SLC35F3: variants seen among roughly 807,000 people sequenced by gnomAD.
SLC35F3 encodes solute carrier family 35 member F3, also known as putative thiamine transporter SLC35F3.
A neutral mutation model predicts 49.9 loss-of-function variants in SLC35F3; 25 were observed. The observed-to-expected ratio is 0.50, with a 90% CI of 0.37 to 0.70. The LOEUF (loss-of-function observed/expected upper bound fraction) is 0.70, where lower values mean the gene tolerates loss of function less well. Among genes scored for constraint, SLC35F3 ranks in the 30% least tolerant of loss-of-function variants. The pLI, the probability that SLC35F3 is intolerant of heterozygous loss-of-function variation, is 0.00. For synonymous variants in SLC35F3, 275 were observed against 265.4 expected (o/e 1.04, Z -0.35); for missense variants, 525 against 639.8 (o/e 0.82, Z 1.94).
chr1:234,323,495 T>G lies in SLC35F3; in HGVS notation c.*252T>G. On this transcript the variant is annotated 3_prime_UTR_variant, in exon 8 of 8. Transcript: ENST00000366618. The surrounding 1 kb of genome is among the most constrained non-coding windows in gnomAD (Gnocchi z 4.5). ...AACGAATGTAAAGTGGGTTTAAAAGTTCCCTGCGTAGATCGTTTTGGATGG... is the reference window on the plus strand; with the variant it reads ...AACGAATGTAAAGTGGGTTTAAAAGGTCCCTGCGTAGATCGTTTTGGATGG... The G allele has an allele frequency of 2.0e-6, 1 of 504,850 alleles. No homozygotes were observed. The highest frequency in any genetic ancestry group is 3.5e-6 in the Non-Finnish European group (1 of 281,854). The allele number at this position is 504,850 out of a possible 1,614,324, so 31.3% of individuals were successfully genotyped here. A position where few individuals can be genotyped will look rare whatever the true frequency, so the allele number is the denominator to read the frequency against.
intron 2 of SLC35F3, among the ~76,000 whole-genome samples, chr1:233,952,399 T>C (rs566336470): frequency 1.8e-4 from 27 of 152,348 alleles, no homozygotes; most frequent in African/African-American, 6.0e-4. Flanking sequence ...GGGTGTGGGC[T>C]GTGCTCCAAT....
chr1:234,007,843 A>T (rs570246065), intron 2 of SLC35F3, among the ~76,000 whole-genome samples: 1 of 152,220 alleles, frequency 6.6e-6, no homozygotes, highest in Non-Finnish European at 1.5e-5. Context: ...TTTCCCAGGA[A>T]TATGTACATG....
In SLC35F3 at chr1:233,905,641, T is replaced by G; in HGVS notation, c.166T>G (p.Trp56Gly). The G allele has an allele frequency of 6.2e-7, 1 of 1,614,152 alleles. No homozygotes were observed. Among genetic ancestry groups the G allele is most frequent in the Non-Finnish European group, 8.5e-7 (1 of 1,180,030 alleles). Residue 56 changes from tryptophan to glycine, a missense_variant, in exon 2 of 8, where the codon TGG becomes GGG. Coordinates refer to ENST00000366618, the MANE Select transcript of SLC35F3 (RefSeq NM_173508.4). ...CGAGGCGATTAAGGAGGATCTGAAA[T>G]GGTCGCGCTCCGTGGAGGATCTCAC... is the stretch of plus-strand genomic sequence containing the variant. ...VDEAIKEDLK[W>G]SRSVEDLTSG... is the part of the protein sequence containing the mutation.
intron 2 of SLC35F3, among the ~76,000 whole-genome samples, chr1:233,992,762 C>A (rs1663385292): frequency 6.6e-6 from 1 of 152,128 alleles, no homozygotes; most frequent in Non-Finnish European, 1.5e-5. Flanking sequence ...TACAAGAGTT[C>A]ATCTCGATGG....
At chr1:234,139,150 A>G (rs1447313174) in intron 2 of SLC35F3, among the ~76,000 whole-genome samples, 1 of 152,226 alleles carries the variant, frequency 6.6e-6, no homozygotes, top group East Asian at 1.9e-4. Flanking sequence ...TGTCCTTCTA[A>G]CAACCCTATA....
intron 2 of SLC35F3, among the ~76,000 whole-genome samples, chr1:234,011,164 C>A (rs1330292523): frequency 6.6e-6 from 1 of 151,998 alleles, no homozygotes; most frequent in Non-Finnish European, 1.5e-5. Flanking sequence ...AGAGTAATAA[C>A]AACAAGTAAG....
intron 2 of SLC35F3, among the ~76,000 whole-genome samples, chr1:234,139,951 T>TAATAATAA: frequency 1.1e-5 from 1 of 90,564 alleles, no homozygotes; most frequent in Non-Finnish European, 2.3e-5. Flanking sequence ...CATCTCAAAA[T>TAATAATAA]AATAAAATAA....
chr1:234,162,381 C>CAAAA (rs147145054), intron 2 of SLC35F3, among the ~76,000 whole-genome samples: 1 of 58,546 alleles, frequency 1.7e-5, no homozygotes, highest in Non-Finnish European at 3.0e-5. Context: ...AGCCTCTGTG[C>CAAAA]AAAAAAAAAA....
At chr1:234,287,022 G>T (rs369923931) in intron 3 of SLC35F3, among the ~76,000 whole-genome samples, 1 of 152,044 alleles carries the variant, frequency 6.6e-6, no homozygotes. Flanking sequence ...AAAAGTTAAA[G>T]TTTCTACAAA....
chr1:234,222,890 A>G (rs1191366838), intron 2 of SLC35F3, among the ~76,000 whole-genome samples: 1 of 152,206 alleles, frequency 6.6e-6, no homozygotes. Flanking sequence ...AGGTAAACCA[A>G]CTGGTGTATA....
chr1:234,239,350 C>A (rs1424839712), intron 3 of SLC35F3, among the ~76,000 whole-genome samples: 14 of 152,182 alleles, frequency 9.2e-5, no homozygotes, highest in Admixed American at 9.2e-4. Context: ...TATGCTCAGG[C>A]ACCACCCCAT....
Position 234,252,489 on chromosome 1 carries a change from A to G in SLC35F3, c.608+20748A>G, listed in dbSNP as rs79899764. Among the ~76,000 whole-genome samples the G allele has an allele frequency of 3.5e-3, 526 of 152,356 alleles. 3 individuals carry two copies. Among genetic ancestry groups the G allele is most frequent in the Non-Finnish European group, 3.7e-3 (252 of 68,034 alleles). ...TCCAAATTAGCAAACTAGAAAAAAT[A>G]TGTGTAACGCATATGATAAACAAAG... On this transcript the variant is annotated intron_variant, in intron 3 of 7. Transcript: ENST00000366618.
At chr1:234,086,046 C>T (rs1408324840) in intron 2 of SLC35F3, among the ~76,000 whole-genome samples, 3 of 152,190 alleles carry the variant, frequency 2.0e-5, no homozygotes, top group Non-Finnish European at 2.9e-5. Context: ...ATATCTTGCT[C>T]ATTTTTGTTC....
chr1:233,947,653 T>G (rs1662534204), intron 2 of SLC35F3, among the ~76,000 whole-genome samples: 1 of 149,720 alleles, frequency 6.7e-6, no homozygotes, highest in Non-Finnish European at 1.5e-5. Context: ...GTTTCTATGA[T>G]AGACTTGCTT....
intron 2 of SLC35F3, among the ~76,000 whole-genome samples, chr1:233,935,872 C>A (rs1220076552): frequency 6.6e-6 from 1 of 152,170 alleles, no homozygotes; most frequent in African/African-American, 2.4e-5. Context: ...TGGATGCCTC[C>A]TTTTTCATTC....
intron 2 of SLC35F3, among the ~76,000 whole-genome samples, chr1:234,003,979 A>C (rs1012248506): frequency 2.6e-5 from 4 of 152,196 alleles, no homozygotes; most frequent in African/African-American, 9.6e-5. Flanking sequence ...TAAGAAAGGC[A>C]ATACTTATAT....
intron 2 of SLC35F3, among the ~76,000 whole-genome samples, chr1:234,118,346 G>A (rs528934394): frequency 2.7e-4 from 41 of 152,190 alleles, no homozygotes; most frequent in African/African-American, 8.7e-4. Context: ...TTGTATCGTC[G>A]GATTTCCATC....
intron 2 of SLC35F3, among the ~76,000 whole-genome samples, chr1:233,988,379 A>G (rs1663299547): frequency 6.6e-6 from 1 of 152,182 alleles, no homozygotes; most frequent in Non-Finnish European, 1.5e-5. Flanking sequence ...CTTTCAGTTG[A>G]GCCAATTGTA....
intron 2 of SLC35F3, among the ~76,000 whole-genome samples, chr1:234,033,696 T>C (rs996058317): frequency 6.6e-6 from 1 of 152,230 alleles, no homozygotes; most frequent in Non-Finnish European, 1.5e-5. Flanking sequence ...GATTCTCTGT[T>C]CTGTTTCATT....
Sources: gnomAD v4.1 joint callset for allele counts (sites outside exome capture counted in the v4.1 genomes callset) on GRCh38, gnomAD v4.1.1 for gene constraint, Gnocchi (gnomAD v3.1) non-coding constraint, MANE v1.5 for transcripts, NCBI Gene and HGNC (gene_info 2026-07-23, HGNC 2026-07-21) for gene names.